CBARP: variants seen among roughly 807,000 people sequenced by gnomAD.
CBARP encodes voltage-dependent calcium channel beta subunit-associated regulatory protein.
CBARP carries 24 observed loss-of-function variants against 36.3 expected under a neutral mutation model. The observed-to-expected ratio is 0.66, with a 90% CI of 0.48 to 0.93. The LOEUF (loss-of-function observed/expected upper bound fraction) is 0.93, where lower values mean the gene tolerates loss of function less well. Ranked by LOEUF, CBARP falls within the 40% of genes least tolerant of loss-of-function variation. CBARP has a pLI of 0.00. For synonymous variants in CBARP, 586 were observed against 453.2 expected (o/e 1.29, Z -3.72); for missense variants, 1,146 against 980.4 (o/e 1.17, Z -2.26).
intron 1 of CBARP, 82 bp downstream of exon 1, chr19:1,237,674 C>T (rs1005798057): frequency 1.3e-5 from 2 of 151,944 alleles, no homozygotes; most frequent in Non-Finnish European, 2.9e-5. Context: ...CGCCCTCCCT[C>T]CGGCCGCTTA....
At position 1,229,590 on chromosome 19, in the gene CBARP, G is replaced by C. The variant is rs1441485985; in HGVS notation, c.1707C>G (p.His569Gln). Residue 569 changes from histidine to glutamine, a missense_variant, in exon 10 of 10, where the codon CAC becomes CAG. Transcript: ENST00000650044. The surrounding 1 kb of genome is among the most constrained non-coding windows in gnomAD (Gnocchi z 5.1). ...GGGCGTGCGGGTGCGCGCGGGCGCGGTGTCGCGCGGCAGCCGGCGTGTCGT... is the reference window on the plus strand; with the variant it reads ...GGGCGTGCGGGTGCGCGCGGGCGCGCTGTCGCGCGGCAGCCGGCGTGTCGT... ...HFDDTPAAAR[H>Q]RARAHPHARK... The C allele has an allele frequency of 8.4e-7, 1 of 1,188,146 alleles. No individual in the cohort carries two copies. The highest frequency in any genetic ancestry group is 9.6e-5 in the East Asian group (1 of 10,410). 73.6% of individuals were successfully genotyped at this position (1,188,146 alleles called of 1,614,324 possible). A position where few individuals can be genotyped will look rare whatever the true frequency, so the allele number is the denominator to read the frequency against.
chr19:1,234,970 C>T, intron 5 of CBARP, 31 bp downstream of exon 5: 6 of 1,587,682 alleles, frequency 3.8e-6, no homozygotes, highest in Non-Finnish European at 5.1e-6. Context: ...CAGACAGGCC[C>T]TGGGGTGCCT....
Position 1,229,766 on chromosome 19 carries a change from G to A in CBARP, c.1531C>T (p.Arg511Cys). ...GGCTCGGTGTCGTCGCCTGCGCCGCGGCCCTCGATGCTGGCGTAGCCACTG... is the reference window on the plus strand; with the variant it reads ...GGCTCGGTGTCGTCGCCTGCGCCGCAGCCCTCGATGCTGGCGTAGCCACTG... ...MDSGYASIEG[R>C]GAGDDTEPPA... is the part of the protein sequence containing the mutation. The change falls in exon 10 of 10, where the codon CGC becomes TGC. Residue 511 changes from arginine (R) to cysteine (C), a missense_variant. By Grantham distance (180) the Arg-to-Cys change is radical (BLOSUM62 -3). Transcript: ENST00000650044. The surrounding 1 kb of genome is among the most constrained non-coding windows in gnomAD (Gnocchi z 5.1). 9.9e-7 allele frequency: 1 copy of A among 1,013,248 alleles called. No individual in the cohort carries two copies. The highest frequency in any genetic ancestry group is 3.1e-5 in the South Asian group (1 of 32,260). 62.8% of individuals were successfully genotyped at this position (1,013,248 alleles called of 1,614,324 possible). A position where few individuals can be genotyped will look rare whatever the true frequency, so the allele number is the denominator to read the frequency against.
chr19:1,228,830 G>T lies in CBARP; in HGVS notation c.*349C>A, dbSNP rs2080851299. The T allele has an allele frequency of 6.8e-6, 1 of 147,496 alleles. No individual in the cohort carries two copies. Among genetic ancestry groups the T allele is most frequent in the Non-Finnish European group, 1.5e-5 (1 of 66,236 alleles). The allele number at this position is 147,496 out of a possible 1,614,324, so 9.1% of individuals were successfully genotyped here. ...GGCCCTGCGACTAAGCGGCCGCCCC[G>T]TCCGGGACTGAGGGCGAGTGATCGT... On this transcript the variant is annotated 3_prime_UTR_variant, in exon 10 of 10. Transcript: ENST00000650044.
In CBARP at chr19:1,229,349, C is replaced by T. The variant is rs1306131124; in HGVS notation, c.1948G>A (p.Gly650Arg). 1.7e-6 allele frequency: 2 copies of T among 1,198,812 alleles called. No individual in the cohort carries two copies. The highest frequency in any genetic ancestry group is 1.1e-6 in the Non-Finnish European group (1 of 943,304). 74.3% of individuals were successfully genotyped at this position (1,198,812 alleles called of 1,614,324 possible). Residue 650 changes from glycine (G) to arginine (R), a missense_variant, in exon 10 of 10, where the codon GGG becomes AGG. Physicochemically the swap from Gly to Arg is moderately radical, Grantham distance 125. Transcript: ENST00000650044. This position sits in a 1 kb window ranked among gnomAD's most constrained non-coding sequence, Gnocchi z 5.1. ...IPVIEEEPGGGGCPGSGLCVL... is the reference protein window; with the variant it reads ...IPVIEEEPGGRGCPGSGLCVL... Reference sequence around the variant, plus strand: ...CACAGGCCCGAGCCGGGGCACCCCCCGCCGCCCGGCTCCTCCTCGATGACG... The same window carrying T: ...CACAGGCCCGAGCCGGGGCACCCCCTGCCGCCCGGCTCCTCCTCGATGACG...
chr19:1,231,140 G>T lies in CBARP; in HGVS notation c.1115C>A (p.Pro372His). The change falls in exon 9 of 10, where the codon CCC (proline) becomes CAC (histidine). Residue 372 changes from proline to histidine, a missense_variant. Physicochemically the swap from Pro to His is moderately conservative, Grantham distance 77. Coordinates refer to ENST00000650044, the MANE Select transcript of CBARP (RefSeq NM_001393918.1). ...RAGDAVAFPH[P>H]RPFLASPPPA... is the part of the protein sequence containing the mutation. ...GGGCGGGCTGGCCAGAAAGGGGCGGGGGTGCGGGAAGGCCACGGCGTCGCC... is the reference window on the plus strand; with the variant it reads ...GGGCGGGCTGGCCAGAAAGGGGCGGTGGTGCGGGAAGGCCACGGCGTCGCC... 6.2e-7 allele frequency: 1 copy of T among 1,601,378 alleles called. No individual in the cohort carries two copies.
rs570639709 is a variant in CBARP at position 1,234,923 on chromosome 19, G to A, written c.455+78C>T. The stretch of plus-strand genomic sequence containing the variant: ...CTCTGCCTTGGTCCCTGCAGCCTCC[G>A]CACCCAGCTCCTCCCCCGTCCCGGC... On this transcript the variant is annotated intron_variant, in intron 5 of 9. Transcript: ENST00000650044. The A allele has an allele frequency of 8.1e-5, 124 of 1,531,658 alleles. No homozygotes were observed. The East Asian group carries it at 2.0e-3, about 25-fold the overall frequency. 94.9% of individuals were successfully genotyped at this position (1,531,658 alleles called of 1,614,324 possible). A position where few individuals can be genotyped will look rare whatever the true frequency, so the allele number is the denominator to read the frequency against.
At position 1,230,398 on chromosome 19, in the gene CBARP, G is replaced by GA; in HGVS notation, c.1155-257dup. On this transcript the variant is annotated intron_variant, in intron 9 of 9. Coordinates refer to ENST00000650044, the MANE Select transcript of CBARP (RefSeq NM_001393918.1). ...GCAGACGGCGGGGCCCCCTCCCTTGGAAGCCCCCAGGAAAAGTCAACATGC... is the reference window on the plus strand; with the variant it reads ...GCAGACGGCGGGGCCCCCTCCCTTGGAAAGCCCCCAGGAAAAGTCAACATGC... 3 of 987,766 alleles carry GA rather than the reference G, an allele frequency of 3.0e-6. No homozygotes were observed. The South Asian group carries it at 1.4e-4, about 46-fold the overall frequency. The allele number at this position is 987,766 out of a possible 1,614,324, so 61.2% of individuals were successfully genotyped here.
rs771896280 is a variant in CBARP at position 1,229,261 on chromosome 19, G to A, written c.2036C>T (p.Pro679Leu). 1.6e-6 allele frequency: 2 copies of A among 1,249,176 alleles called. No homozygotes were observed. Among genetic ancestry groups the A allele is most frequent in the Non-Finnish European group, 2.1e-6 (2 of 972,448 alleles). 77.4% of individuals were successfully genotyped at this position (1,249,176 alleles called of 1,614,324 possible). A position where few individuals can be genotyped will look rare whatever the true frequency, so the allele number is the denominator to read the frequency against. ...LAAGLDERLF[P>L]PRLAEPVVAT... Reference sequence around the variant, plus strand: ...CACGACGGGCTCGGCGAGGCGCGGCGGAAAGAGTCTCTCGTCGAGGCCAGC... The same window carrying A: ...CACGACGGGCTCGGCGAGGCGCGGCAGAAAGAGTCTCTCGTCGAGGCCAGC... Residue 679 changes from proline (P) to leucine (L), a missense_variant, in exon 10 of 10, where the codon CCG (proline) becomes CTG (leucine). Coordinates refer to ENST00000650044, the MANE Select transcript of CBARP (RefSeq NM_001393918.1). This position sits in a 1 kb window ranked among gnomAD's most constrained non-coding sequence, Gnocchi z 5.1.
At chr19:1,237,243 C>G (rs552097227) in intron 1 of CBARP, among the ~76,000 whole-genome samples, 1 of 152,194 alleles carries the variant, frequency 6.6e-6, no homozygotes, top group Non-Finnish European at 1.5e-5. Context: ...GTGTCCTCAG[C>G]GCTCCCGGTC....
In CBARP at chr19:1,236,994, G is replaced by A. The variant is rs969372645; in HGVS notation, c.-22+762C>T. Reference sequence around the variant, plus strand: ...AAACTGAGGCGGGGCGCGGCACCAGGGAAAGGAGCCGCCTGGACGCTGTGC... The same window carrying A: ...AAACTGAGGCGGGGCGCGGCACCAGAGAAAGGAGCCGCCTGGACGCTGTGC... On this transcript the variant is annotated intron_variant, in intron 1 of 9. Transcript: ENST00000650044. Among the ~76,000 whole-genome samples, 6 of 152,072 alleles carry A rather than the reference G, an allele frequency of 3.9e-5. No homozygotes were observed. In the East Asian group the frequency reaches 1.2e-3, roughly 29 times the overall value.
chr19:1,233,036 A>G (rs1437818601), intron 8 of CBARP, among the ~76,000 whole-genome samples: 1 of 152,218 alleles, frequency 6.6e-6, no homozygotes, highest in Non-Finnish European at 1.5e-5. Flanking sequence ...TCACATTCCC[A>G]GGGATGAGAG....
chr19:1,232,908 T>A (rs933210252), intron 8 of CBARP, among the ~76,000 whole-genome samples: 1 of 152,222 alleles, frequency 6.6e-6, no homozygotes, highest in Non-Finnish European at 1.5e-5. Flanking sequence ...GTCCAACACT[T>A]ACTTCGTGTT....
At chr19:1,233,931 C>T (rs2080927187) in intron 7 of CBARP, among the ~76,000 whole-genome samples, 1 of 152,148 alleles carries the variant, frequency 6.6e-6, no homozygotes, top group African/African-American at 2.4e-5. Context: ...TGAGGGAGGG[C>T]AGGGGTGGCG....
At chr19:1,232,485 C>T (rs1031512956) in intron 8 of CBARP, among the ~76,000 whole-genome samples, 1 of 152,170 alleles carries the variant, frequency 6.6e-6, no homozygotes, top group African/African-American at 2.4e-5. Flanking sequence ...CAGAGCGGGC[C>T]CCAGCCCCTC....
At chr19:1,236,197 TC>T in intron 1 of CBARP, 76 bp from the exon 2 acceptor site, 1 of 1,345,294 alleles carries the variant, frequency 7.4e-7, no homozygotes, top group South Asian at 1.9e-5. Flanking sequence ...AGCTGGGTCT[TC>T]CCTGCAGGAG....
chr19:1,230,494 G>A (rs2080875821), intron 9 of CBARP: 1 of 1,009,712 alleles, frequency 9.9e-7, no homozygotes, highest in East Asian at 9.6e-5. Context: ...ACTGGACGCG[G>A]TTGAGTCCAG....
At chr19:1,235,242 G>A in intron 4 of CBARP, 97 bp from the exon 5 acceptor site, 1 of 1,309,768 alleles carries the variant, frequency 7.6e-7, no homozygotes, top group Non-Finnish European at 9.9e-7. Flanking sequence ...GGCAGGGAGG[G>A]CTGGGGCCGC....
upstream of CBARP, chr19:1,238,079 G>T (rs1322971472): frequency 2.0e-5 from 3 of 148,212 alleles, no homozygotes; most frequent in Non-Finnish European, 3.0e-5. Context: ...GCTCCCGGGC[G>T]CCCACTCCGC....
Sources: allele counts gnomAD v4.1 joint callset (sites outside exome capture counted in the v4.1 genomes callset), GRCh38; gene constraint gnomAD v4.1.1; non-coding constraint Gnocchi (gnomAD v3.1); transcripts MANE v1.5; gene names NCBI Gene and HGNC (gene_info 2026-07-23, HGNC 2026-07-21).